Variants in HMBOX1 observed in about 807,000 individuals in gnomAD.
The protein encoded by HMBOX1 is homeobox-containing protein 1.
In HMBOX1, 14 loss-of-function variants were observed where a neutral mutation model predicts 54.5. The ratio of observed to expected loss-of-function variants is 0.26; its 90% CI spans 0.17 to 0.40. The LOEUF (loss-of-function observed/expected upper bound fraction) is 0.40, where lower values mean the gene tolerates loss of function less well. HMBOX1 is among the 10% of genes least tolerant of loss of function. The probability of loss-of-function intolerance (pLI) is 1.00; values close to 1 mark genes in which losing one functional copy is unlikely to be tolerated. For missense variants in HMBOX1, 332 were observed against 514.4 expected, an observed-to-expected ratio of 0.65 and a Z score of 3.43; for synonymous variants, 160 against 181.0, an observed-to-expected ratio of 0.88 and a Z score of 0.93.
chr8:29,010,744 G>A (rs1834121059), intron 5 of HMBOX1, among the ~76,000 whole-genome samples: 1 of 151,966 alleles, frequency 6.6e-6, no homozygotes, highest in South Asian at 2.1e-4. Context: ...TTTATATCCA[G>A]TCTGAGTCAC....
chr8:28,939,857 A>G (rs937759267), intron 1 of HMBOX1, among the ~76,000 whole-genome samples: 1 of 152,054 alleles, frequency 6.6e-6, no homozygotes, highest in Non-Finnish European at 1.5e-5. Context: ...CTCTGATTGC[A>G]GTAAGTTGGG....
At chr8:28,961,992 T>A (rs2132260572) in intron 1 of HMBOX1, among the ~76,000 whole-genome samples, 1 of 145,930 alleles carries the variant, frequency 6.9e-6, no homozygotes, top group Non-Finnish European at 1.5e-5. Context: ...CAAACTAGCC[T>A]TGAACTCCTG....
At position 28,970,357 on chromosome 8, in the gene HMBOX1, C is replaced by G. The variant is rs767636296; in HGVS notation, c.338C>G (p.Thr113Ser). The G allele has an allele frequency of 6.2e-7, 1 of 1,614,202 alleles. No individual in the cohort carries two copies. The highest frequency in any genetic ancestry group is 1.1e-5 in the South Asian group (1 of 91,082). ...TATGATACTTCCCCACAGCCTTGCA[C>G]TACCAATCAAAATGGGAGGGAGAAT... Reference protein sequence around the residue: ...NSYDTSPQPCTTNQNGRENNE... With the variant: ...NSYDTSPQPCSTNQNGRENNE... Residue 113 changes from threonine to serine, a missense_variant, in exon 3 of 10, where the codon ACT becomes AGT. Around this residue, in one of 4 missense-constraint regions of HMBOX1, gnomAD observed 146 missense variants for 173.3 expected, o/e 0.84. Coordinates refer to ENST00000287701, the MANE Select transcript of HMBOX1 (RefSeq NM_001135726.3). This position sits in a 1 kb window ranked among gnomAD's most constrained non-coding sequence, Gnocchi z 4.3.
chr8:28,919,879 CAA>C (rs1817234303), intron 1 of HMBOX1, among the ~76,000 whole-genome samples: 1 of 151,990 alleles, frequency 6.6e-6, no homozygotes, highest in Non-Finnish European at 1.5e-5. Flanking sequence ...AATGAATACT[CAA>C]GAGATCAGTG....
At chr8:29,030,858 A>G (rs137938920) in intron 6 of HMBOX1, among the ~76,000 whole-genome samples, 1 of 152,310 alleles carries the variant, frequency 6.6e-6, no homozygotes, top group African/African-American at 2.4e-5. Flanking sequence ...TTGTTTAGCA[A>G]TCAGCTTGGA....
intron 1 of HMBOX1, among the ~76,000 whole-genome samples, chr8:28,947,780 CT>C (rs1390961496): frequency 6.6e-6 from 1 of 152,160 alleles, no homozygotes; most frequent in Non-Finnish European, 1.5e-5. Flanking sequence ...GCCCCCGCCC[CT>C]GATTTCATGT....
chr8:28,909,773 C>T (rs181459329), intron 1 of HMBOX1, among the ~76,000 whole-genome samples: 173 of 152,254 alleles, frequency 1.1e-3, no homozygotes, highest in African/African-American at 3.9e-3. Flanking sequence ...TAAAATTCAT[C>T]TGTATTAAGT....
intron 1 of HMBOX1, among the ~76,000 whole-genome samples, chr8:28,912,973 G>A (rs1227986846): frequency 2.6e-5 from 4 of 152,162 alleles, no homozygotes; most frequent in African/African-American, 9.7e-5. Context: ...ACCTATTCAA[G>A]CTAAAAACCT....
intron 1 of HMBOX1, among the ~76,000 whole-genome samples, chr8:28,949,354 T>C (rs1823006982): frequency 6.6e-6 from 1 of 152,216 alleles, no homozygotes; most frequent in Non-Finnish European, 1.5e-5. Context: ...TGCAAGGCAC[T>C]GTGATGTAGA....
At chr8:29,033,715 A>G (rs905451988) in intron 6 of HMBOX1, among the ~76,000 whole-genome samples, 1 of 152,154 alleles carries the variant, frequency 6.6e-6, no homozygotes, top group Non-Finnish European at 1.5e-5. Context: ...CTAGTCCCCA[A>G]GCCAATTAAA....
intron 1 of HMBOX1, 29 bp downstream of exon 1, chr8:28,890,707 A>T (rs1277354546): frequency 6.6e-6 from 1 of 152,648 alleles, no homozygotes; most frequent in African/African-American, 2.4e-5. Context: ...AAGCCGGACT[A>T]CCTCAAGTCT....
chr8:28,922,255 G>C (rs1817683477), intron 1 of HMBOX1, among the ~76,000 whole-genome samples: 1 of 152,140 alleles, frequency 6.6e-6, no homozygotes, highest in African/African-American at 2.4e-5. Context: ...GTAATCTAGA[G>C]ATGCTTTAAA....
At chr8:29,023,811 A>C (rs4732662) in intron 6 of HMBOX1, among the ~76,000 whole-genome samples, 143,769 of 152,224 alleles carry the variant, frequency 0.94, 68,469 homozygotes, top group African/African-American at 0.99. Context: ...AGCATTGATT[A>C]TTAAATCTGG....
chr8:29,000,816 C>T (rs1832526012), intron 4 of HMBOX1, among the ~76,000 whole-genome samples: 1 of 152,176 alleles, frequency 6.6e-6, no homozygotes, highest in Non-Finnish European at 1.5e-5. Flanking sequence ...GTTTTTAAGT[C>T]TGCTATAATG....
intron 1 of HMBOX1, among the ~76,000 whole-genome samples, chr8:28,894,632 G>C (rs2131494985): frequency 6.6e-6 from 1 of 152,304 alleles, no homozygotes; most frequent in African/African-American, 2.4e-5. Context: ...CCCATCATAG[G>C]CGCAGAGTAA....
chr8:28,961,920 C>CTT lies in HMBOX1; in HGVS notation c.-57-1879_-57-1878dup, dbSNP rs35117256. On this transcript the variant is annotated intron_variant, in intron 1 of 9. Transcript: ENST00000287701. ...TTTTTTTTTTTTTTTTTTCTTTTTTCTTTTTTTTTTTTTGAGACAGGGACT... is the reference window on the plus strand; with the variant it reads ...TTTTTTTTTTTTTTTTTTCTTTTTTCTTTTTTTTTTTTTTTGAGACAGGGACT... Among the ~76,000 whole-genome samples the CTT allele has an allele frequency of 2.9e-3, 335 of 116,460 alleles. 5 individuals are homozygous for CTT. The highest frequency in any genetic ancestry group is 3.8e-3 in the Admixed American group (39 of 10,184). 76.4% of individuals were successfully genotyped at this position (116,460 alleles called of 152,430 possible). A position where few individuals can be genotyped will look rare whatever the true frequency, so the allele number is the denominator to read the frequency against.
chr8:28,895,839 T>A (rs1812000233), intron 1 of HMBOX1, among the ~76,000 whole-genome samples: 1 of 152,222 alleles, frequency 6.6e-6, no homozygotes, highest in Non-Finnish European at 1.5e-5. Flanking sequence ...ATTAATGTTC[T>A]CTTATTTCAT....
At position 29,009,144 on chromosome 8, in the gene HMBOX1, C is replaced by T. The variant is rs1335144310; in HGVS notation, c.659C>T (p.Ala220Val). Residue 220 changes from alanine to valine, a missense_variant, in exon 5 of 10, where the codon GCA becomes GTA. Ala to Val is a moderately conservative substitution (Grantham distance 64, BLOSUM62 0). Coordinates refer to ENST00000287701, the MANE Select transcript of HMBOX1 (RefSeq NM_001135726.3). ...GACCTGAGTGAACAGAAGAAAAGAG[C>T]ATTTTACCGATGGTATCAACTTGAG... is the stretch of plus-strand genomic sequence containing the variant. ...GSDLSEQKKR[A>V]FYRWYQLEKT... The T allele has an allele frequency of 1.2e-6, 2 of 1,613,404 alleles. No individual in the cohort carries two copies. Among genetic ancestry groups the T allele is most frequent in the Non-Finnish European group, 1.7e-6 (2 of 1,179,380 alleles).
chr8:29,048,524 C>T (rs756648009), intron 8 of HMBOX1: 46 of 152,526 alleles, frequency 3.0e-4, no homozygotes, highest in Non-Finnish European at 6.1e-4. Flanking sequence ...TTCTTCCATC[C>T]AAGTACTAAC....
Sources: allele counts gnomAD v4.1 joint callset (sites outside exome capture counted in the v4.1 genomes callset), GRCh38; gene constraint gnomAD v4.1.1; regional missense constraint gnomAD v4.1.1; non-coding constraint Gnocchi (gnomAD v3.1); transcripts MANE v1.5; gene names NCBI Gene and HGNC (gene_info 2026-07-23, HGNC 2026-07-21).